Variants in MCPH1 observed in about 807,000 individuals in gnomAD.
The protein encoded by MCPH1 is microcephalin 1, also known as microcephalin.
In MCPH1, 104 loss-of-function variants were observed where a neutral mutation model predicts 84.5. The observed-to-expected ratio is 1.23, with a 90% CI of 1.05 to 1.45. The LOEUF is 1.45. Among genes scored for constraint, MCPH1 ranks in the 40% most tolerant of loss-of-function variants. MCPH1 has a pLI of 0.00. For synonymous variants in MCPH1, 514 were observed against 366.8 expected (o/e 1.40, Z -4.58); for missense variants, 1,498 against 1,005.7 (o/e 1.49, Z -6.62).
At chr8:6,421,050 C>A (rs1800122580) in intron 3 of MCPH1, among the ~76,000 whole-genome samples, 1 of 152,230 alleles carries the variant, frequency 6.6e-6, no homozygotes, top group South Asian at 2.1e-4. Context: ...TTCCGCAGTT[C>A]TTCCCTTAGG....
At chr8:6,626,748 C>T in intron 13 of MCPH1, 1 of 985,214 alleles carries the variant, frequency 1.0e-6, no homozygotes, top group Non-Finnish European at 1.2e-6. Flanking sequence ...ATCACAAGCC[C>T]TTGGGTGGAG....
intron 12 of MCPH1, chr8:6,532,524 A>T: frequency 6.6e-7 from 1 of 1,508,070 alleles, no homozygotes; most frequent in Non-Finnish European, 8.9e-7. Context: ...GTCATTAGTC[A>T]AATGACCGGA....
chr8:6,631,654 T>TA (rs546705142), intron 13 of MCPH1, among the ~76,000 whole-genome samples: 15,596 of 134,336 alleles, frequency 0.12, 1,229 homozygotes, highest in East Asian at 0.46. Context: ...ATTGCTACTA[T>TA]AAAAAAAAAA....
At chr8:6,413,529 G>T (rs1323776065) in intron 2 of MCPH1, among the ~76,000 whole-genome samples, 1 of 151,510 alleles carries the variant, frequency 6.6e-6, no homozygotes, top group African/African-American at 2.4e-5. Flanking sequence ...TCTGTTGATT[G>T]GCTGTTGGAT....
intron 12 of MCPH1, among the ~76,000 whole-genome samples, chr8:6,555,824 C>T (rs749436691): frequency 6.6e-6 from 1 of 152,178 alleles, no homozygotes; most frequent in Non-Finnish European, 1.5e-5. Flanking sequence ...ACCAATTGCA[C>T]CAATTCTATT....
chr8:6,589,182 G>A (rs1222586716), intron 12 of MCPH1, among the ~76,000 whole-genome samples: 1 of 152,172 alleles, frequency 6.6e-6, no homozygotes, highest in Non-Finnish European at 1.5e-5. Flanking sequence ...GAAATGTAGT[G>A]ACATAGAAGT....
chr8:6,441,674 G>C (rs1803532901), intron 6 of MCPH1, among the ~76,000 whole-genome samples: 1 of 152,160 alleles, frequency 6.6e-6, no homozygotes, highest in African/African-American at 2.4e-5. Flanking sequence ...CAGCATCCCT[G>C]CCTCTCCCCA....
Position 6,445,467 on chromosome 8 carries a change from A to G in MCPH1, c.1745A>G (p.His582Arg), listed in dbSNP as rs777271345. ...TCTGAAGGCGAAGCCCAGAGTGAAC[A>G]TGAGCCATGTTTTATAGTTGACTGT... is the stretch of plus-strand genomic sequence containing the variant. ...NSSEGEAQSE[H>R]EPCFIVDCNM... The change falls in exon 8 of 14, where the codon CAT becomes CGT. Residue 582 changes from histidine to arginine, a missense_variant. Physicochemically the swap from His to Arg is conservative, Grantham distance 29. Coordinates refer to ENST00000344683, the MANE Select transcript of MCPH1 (RefSeq NM_024596.5). 1.7e-5 allele frequency: 27 copies of G among 1,614,108 alleles called. No homozygotes were observed. Among genetic ancestry groups the G allele is most frequent in the Middle Eastern group, 3.3e-4 (2 of 6,084 alleles).
At position 6,530,596 on chromosome 8, in the gene MCPH1, A is replaced by G. The variant is rs1032284125; in HGVS notation, c.2214+30667A>G. The stretch of plus-strand genomic sequence containing the variant: ...TAATTCGCTTTAGATATATATTGAT[A>G]TATTGACTTTTAAATCTTTAGTTTT... On this transcript the variant is annotated intron_variant, in intron 12 of 13. Coordinates refer to ENST00000344683, the MANE Select transcript of MCPH1 (RefSeq NM_024596.5). 1.3e-4 allele frequency among the ~76,000 whole-genome samples: 20 copies of G among 150,938 alleles called. 1 individual carries two copies. The highest frequency in any genetic ancestry group is 4.4e-4 in the African/African-American group (18 of 41,076).
At chr8:6,439,492 C>A (rs1466732304) in intron 6 of MCPH1, among the ~76,000 whole-genome samples, 1 of 150,726 alleles carries the variant, frequency 6.6e-6, no homozygotes, top group Non-Finnish European at 1.5e-5. Context: ...TCAAGTGATT[C>A]TACTGCCTCA....
intron 11 of MCPH1, among the ~76,000 whole-genome samples, chr8:6,485,717 G>C (rs1318508001): frequency 1.3e-5 from 2 of 152,098 alleles, no homozygotes; most frequent in African/African-American, 4.8e-5. Context: ...GGCTCAGGTG[G>C]CCTATGGCTT....
At chr8:6,443,756 G>A (rs73516773) in intron 7 of MCPH1, among the ~76,000 whole-genome samples, 4,089 of 152,336 alleles carry the variant, frequency 0.027, 157 homozygotes, top group East Asian at 0.15. Flanking sequence ...GGGTTTGGAA[G>A]GATGAATTGT....
intron 13 of MCPH1, chr8:6,626,397 T>A (rs377139988): frequency 1.0e-6 from 1 of 985,120 alleles, no homozygotes; most frequent in Non-Finnish European, 1.2e-6. Context: ...TGAAACTGTA[T>A]TGTACTTGGG....
At chr8:6,446,738 G>A (rs2515571) in intron 8 of MCPH1, 774,632 of 984,976 alleles carry the variant, frequency 0.79, 311,252 homozygotes, top group Non-Finnish European at 0.82. Flanking sequence ...TATTTTTTAA[G>A]CTTTTGAATA....
At chr8:6,637,783 G>A (rs1037920509) in intron 13 of MCPH1, among the ~76,000 whole-genome samples, 1 of 152,154 alleles carries the variant, frequency 6.6e-6, no homozygotes, top group Non-Finnish European at 1.5e-5. Flanking sequence ...TTTAATGGAA[G>A]CAGAGAAAGC....
chr8:6,434,724 A>G (rs958069608), intron 4 of MCPH1, among the ~76,000 whole-genome samples: 1 of 152,336 alleles, frequency 6.6e-6, no homozygotes. Flanking sequence ...AGTTCTTTCT[A>G]TGAGACTGGA....
At chr8:6,447,298 A>G in intron 8 of MCPH1, 4 of 985,348 alleles carry the variant, frequency 4.1e-6, no homozygotes, top group Non-Finnish European at 4.8e-6. Flanking sequence ...TTTCAATGTC[A>G]GGGATGCACA....
chr8:6,570,590 T>C (rs1188697063), intron 12 of MCPH1, among the ~76,000 whole-genome samples: 1 of 152,194 alleles, frequency 6.6e-6, no homozygotes, highest in Non-Finnish European at 1.5e-5. Flanking sequence ...CTTGCAGCTG[T>C]GTAACTTCTG....
rs1823569419 is a variant in MCPH1, at chr8:6,551,100, C to G, written c.2214+51171C>G. Reference sequence around the variant, plus strand: ...AGGGATTTCCTTGGGTGCTTACCTTCCACGGCTCCTGGGCCCCTGACTCGA... The same window carrying G: ...AGGGATTTCCTTGGGTGCTTACCTTGCACGGCTCCTGGGCCCCTGACTCGA... On this transcript the variant is annotated intron_variant, in intron 12 of 13. Transcript: ENST00000344683. 8.5e-5 allele frequency among the ~76,000 whole-genome samples: 13 copies of G among 152,316 alleles called. No homozygotes were observed. The South Asian group carries it at 2.7e-3, about 32-fold the overall frequency.
Sources: gnomAD v4.1 joint callset for allele counts (sites outside exome capture counted in the v4.1 genomes callset) on GRCh38, gnomAD v4.1.1 for gene constraint, MANE v1.5 for transcripts, NCBI Gene and HGNC (gene_info 2026-07-23, HGNC 2026-07-21) for gene names.